The following UST variants were observed in gnomAD, a reference collection of about 807,000 sequenced individuals.
UST encodes uronyl 2-sulfotransferase, also known as chondroitin sulfate 2-O-sulfotransferase.
UST carries 21 observed loss-of-function variants against 45.6 expected under a neutral mutation model. The observed-to-expected ratio is 0.46, with a 90% CI of 0.33 to 0.66. The LOEUF (loss-of-function observed/expected upper bound fraction) is 0.66, where lower values mean the gene tolerates loss of function less well. Among genes scored for constraint, UST ranks in the 30% least tolerant of loss-of-function variants. UST has a pLI of 0.02. For synonymous variants in UST, 215 were observed against 200.6 expected (o/e 1.07, Z -0.61); for missense variants, 463 against 512.4 (o/e 0.90, Z 0.93).
At chr6:148,921,393 A>G (rs1209051110) in intron 2 of UST, among the ~76,000 whole-genome samples, 1 of 152,236 alleles carries the variant, frequency 6.6e-6, no homozygotes, top group Non-Finnish European at 1.5e-5. Flanking sequence ...TGGGTCCAAC[A>G]GCAATCATAA....
intron 5 of UST, among the ~76,000 whole-genome samples, chr6:148,978,245 A>G (rs1781061290): frequency 6.6e-6 from 1 of 152,134 alleles, no homozygotes; most frequent in African/African-American, 2.4e-5. Flanking sequence ...TCTCTAGAAC[A>G]GTGTTAAATA....
At chr6:148,819,537 T>C (rs1777416816) in intron 1 of UST, among the ~76,000 whole-genome samples, 1 of 152,260 alleles carries the variant, frequency 6.6e-6, no homozygotes. Context: ...TACTGACAAC[T>C]TATACAGACT....
chr6:149,010,404 G>A (rs1388166494), intron 5 of UST, among the ~76,000 whole-genome samples: 1 of 152,170 alleles, frequency 6.6e-6, no homozygotes, highest in African/African-American at 2.4e-5. Flanking sequence ...GAGTGACACT[G>A]TGTTAACCAG....
At chr6:148,978,333 G>T (rs908716133) in intron 5 of UST, among the ~76,000 whole-genome samples, 6 of 152,062 alleles carry the variant, frequency 3.9e-5, no homozygotes, top group African/African-American at 1.4e-4. Context: ...ACATTTTATA[G>T]TATATAGTCT....
chr6:148,953,063 A>G (rs1308841602), intron 3 of UST, among the ~76,000 whole-genome samples: 1 of 152,210 alleles, frequency 6.6e-6, no homozygotes, highest in African/African-American at 2.4e-5. Context: ...ACACCAAGAC[A>G]TTTGGGGGTT....
intron 2 of UST, among the ~76,000 whole-genome samples, chr6:148,928,409 A>G (rs987905260): frequency 1.3e-5 from 2 of 152,264 alleles, no homozygotes; most frequent in Non-Finnish European, 2.9e-5. Context: ...CTATCAGATC[A>G]CAAAATCCCA....
chr6:149,032,958 T>C (rs1305485507), intron 7 of UST, among the ~76,000 whole-genome samples: 3 of 152,256 alleles, frequency 2.0e-5, no homozygotes, highest in African/African-American at 7.2e-5. Context: ...GACAGTAATA[T>C]GCTCTGCATT....
chr6:149,001,953 T>A (rs1464982818), intron 5 of UST, among the ~76,000 whole-genome samples: 2 of 152,118 alleles, frequency 1.3e-5, no homozygotes, highest in Non-Finnish European at 2.9e-5. Flanking sequence ...TTAGAAAAAA[T>A]TTAATCAAGT....
intron 2 of UST, among the ~76,000 whole-genome samples, chr6:148,928,171 G>C (rs1056051144): frequency 6.6e-6 from 1 of 151,874 alleles, no homozygotes; most frequent in Non-Finnish European, 1.5e-5. Context: ...ACTACAGTCT[G>C]AGATCAGCAA....
intron 7 of UST, among the ~76,000 whole-genome samples, chr6:149,022,820 G>A (rs1016337783): frequency 2.6e-5 from 4 of 152,130 alleles, no homozygotes; most frequent in Non-Finnish European, 5.9e-5. Flanking sequence ...GTGGATAGTT[G>A]GTGGAGGCTG....
chr6:148,948,657 T>A (rs1020441896), intron 3 of UST, among the ~76,000 whole-genome samples: 9 of 152,254 alleles, frequency 5.9e-5, no homozygotes, highest in East Asian at 1.9e-4. Context: ...TTAAAGCTTT[T>A]ATTTTTGTAT....
intron 2 of UST, among the ~76,000 whole-genome samples, chr6:148,937,773 C>T (rs1454325339): frequency 2.6e-5 from 4 of 152,066 alleles, no homozygotes; most frequent in Non-Finnish European, 4.4e-5. Context: ...TGCTATGAGA[C>T]GGGAAAAAAT....
chr6:148,883,183 T>C (rs2114839074), intron 1 of UST, among the ~76,000 whole-genome samples: 1 of 152,364 alleles, frequency 6.6e-6, no homozygotes, highest in Non-Finnish European at 1.5e-5. Context: ...TTTGCTGTGA[T>C]ACACTGTTCT....
At chr6:148,749,979 T>C (rs1775958365) in intron 1 of UST, among the ~76,000 whole-genome samples, 2 of 152,204 alleles carry the variant, frequency 1.3e-5, no homozygotes, top group Non-Finnish European at 2.9e-5. Context: ...GTCTAAAATA[T>C]ACCTTTAATA....
intron 1 of UST, among the ~76,000 whole-genome samples, chr6:148,774,073 T>A (rs1182350417): frequency 6.6e-6 from 1 of 152,174 alleles, no homozygotes; most frequent in African/African-American, 2.4e-5. Context: ...GACTAGTGAC[T>A]ACAGCAAACC....
chr6:148,851,281 A>G (rs866514183), intron 1 of UST, among the ~76,000 whole-genome samples: 12 of 152,364 alleles, frequency 7.9e-5, no homozygotes, highest in African/African-American at 2.2e-4. Flanking sequence ...ATTTGTATAC[A>G]CACACATATA....
intron 2 of UST, among the ~76,000 whole-genome samples, chr6:148,901,760 T>C (rs1228399080): frequency 2.6e-5 from 4 of 152,120 alleles, no homozygotes; most frequent in East Asian, 1.9e-4. Flanking sequence ...GGTTTTGCCA[T>C]GTTGGCCAGG....
At chr6:149,066,331 G>C (rs1311884992) in intron 7 of UST, 1 of 152,114 alleles carries the variant, frequency 6.6e-6, no homozygotes, top group Non-Finnish European at 1.5e-5. Context: ...GGCTGTGATG[G>C]GGAGGAGAGA....
intron 1 of UST, among the ~76,000 whole-genome samples, chr6:148,853,117 C>T (rs370678973): frequency 1.3e-5 from 2 of 152,290 alleles, no homozygotes; most frequent in East Asian, 3.9e-4. Flanking sequence ...TCCCTCCCTC[C>T]CCCAACAGGC....
Sources: gnomAD v4.1 joint callset for allele counts (sites outside exome capture counted in the v4.1 genomes callset) on GRCh38, gnomAD v4.1.1 for gene constraint, MANE v1.5 for transcripts, NCBI Gene and HGNC (gene_info 2026-07-23, HGNC 2026-07-21) for gene names.